Variants in PLXNA2 observed in about 807,000 individuals in gnomAD.
The protein encoded by PLXNA2 is plexin-A2.
Under a neutral mutation model 193.5 loss-of-function variants are expected in PLXNA2, and 91 were observed. The ratio of observed to expected loss-of-function variants is 0.47; its 90% CI spans 0.40 to 0.56. The LOEUF (loss-of-function observed/expected upper bound fraction) is 0.56. PLXNA2 is among the 20% of genes least tolerant of loss of function. The pLI is 0.00. For missense variants in PLXNA2, 1,995 were observed against 2,503.2 expected (o/e 0.80, Z 4.33); for synonymous variants, 997 against 1,027.3 (o/e 0.97, Z 0.56).
chr1:208,163,873 C>A (rs1669212135), intron 3 of PLXNA2, among the ~76,000 whole-genome samples: 1 of 152,176 alleles, frequency 6.6e-6, no homozygotes, highest in African/African-American at 2.4e-5. Flanking sequence ...TAAATTCTTG[C>A]TAAATGAATT....
intron 17 of PLXNA2, among the ~76,000 whole-genome samples, chr1:208,049,063 C>A (rs1219987555): frequency 6.6e-6 from 1 of 152,142 alleles, no homozygotes; most frequent in African/African-American, 2.4e-5. Flanking sequence ...ACTAGCTGAT[C>A]CTAAACTTGC....
At chr1:208,068,170 C>A (rs556251791) in intron 12 of PLXNA2, among the ~76,000 whole-genome samples, 1 of 152,186 alleles carries the variant, frequency 6.6e-6, no homozygotes, top group Admixed American at 6.5e-5. Context: ...ATCCTTAGCA[C>A]GCTGCCTGGA....
chr1:208,186,303 T>C (rs1669995199), intron 3 of PLXNA2, among the ~76,000 whole-genome samples: 1 of 152,178 alleles, frequency 6.6e-6, no homozygotes, highest in Non-Finnish European at 1.5e-5. Context: ...AGGTTTCCTT[T>C]TCTTGATTTT....
chr1:208,124,679 CAAAAAA>C (rs34909092), intron 4 of PLXNA2, among the ~76,000 whole-genome samples: 1 of 68,592 alleles, frequency 1.5e-5, no homozygotes, highest in African/African-American at 6.5e-5. Flanking sequence ...AACTCCGTCT[CAAAAAA>C]AAAAAAAAAA....
At chr1:208,148,255 TAGTAGC>T (rs1441926964) in intron 3 of PLXNA2, among the ~76,000 whole-genome samples, 2 of 151,914 alleles carry the variant, frequency 1.3e-5, no homozygotes, top group African/African-American at 4.8e-5. Flanking sequence ...TTATTAGTAG[TAGTAGC>T]AGTAGCAGTA....
At chr1:208,043,264 G>C (rs746594569) in intron 20 of PLXNA2, 61 bp from the exon 21 acceptor site, 1 of 1,563,154 alleles carries the variant, frequency 6.4e-7, no homozygotes, top group Admixed American at 1.7e-5. Context: ...AGGAGAAAGA[G>C]GGAGAAGAAG....
chr1:208,031,174 G>A (rs1664490728), intron 29 of PLXNA2: 1 of 1,021,530 alleles, frequency 9.8e-7, no homozygotes. Flanking sequence ...CTCAGGAAGT[G>A]CCTTAGAACT....
At position 208,023,541 on chromosome 1, in the gene PLXNA2, A is replaced by G. The variant is rs1365460641; in HGVS notation, c.*3702T>C. On this transcript the variant is annotated 3_prime_UTR_variant, in exon 32 of 32. Coordinates refer to ENST00000367033, the MANE Select transcript of PLXNA2 (RefSeq NM_025179.4). ...GGTCAGAAGCTCAAGCAGCAGGTGA[A>G]GTGCAGCCAGAAGAGATGGTGGCAG... 1 of 152,798 alleles carries G rather than the reference A, an allele frequency of 6.5e-6. No homozygotes were observed. Among genetic ancestry groups the G allele is most frequent in the Non-Finnish European group, 1.5e-5 (1 of 68,168 alleles). The allele number at this position is 152,798 out of a possible 1,614,324, so 9.5% of individuals were successfully genotyped here.
At chr1:208,100,333 G>A (rs1000460710) in intron 5 of PLXNA2, among the ~76,000 whole-genome samples, 5 of 151,984 alleles carry the variant, frequency 3.3e-5, no homozygotes, top group Non-Finnish European at 5.9e-5. Context: ...TCTCACCTGG[G>A]TGACACAGTG....
In PLXNA2 at chr1:208,039,600, C is replaced by T. The variant is rs762532157; in HGVS notation, c.4500+21G>A. 1.4e-5 allele frequency: 22 copies of T among 1,612,504 alleles called. No homozygotes were observed. The East Asian group carries it at 2.7e-4, about 20-fold the overall frequency. The stretch of plus-strand genomic sequence containing the variant: ...GAAGTAGAAGATACACAGGCGGGCC[C>T]GGAGCTTCCGGCTTCCTCACCAGGG... On this transcript the variant is annotated intron_variant, in intron 24 of 31. Coordinates refer to ENST00000367033, the MANE Select transcript of PLXNA2 (RefSeq NM_025179.4).
intron 3 of PLXNA2, among the ~76,000 whole-genome samples, chr1:208,195,115 G>T (rs1165333382): frequency 1.3e-5 from 2 of 152,168 alleles, no homozygotes; most frequent in Non-Finnish European, 2.9e-5. Context: ...GTGGGAGAAG[G>T]CAGAGAAACT....
chr1:208,199,632 A>G (rs1357223145), intron 3 of PLXNA2, among the ~76,000 whole-genome samples: 1 of 151,936 alleles, frequency 6.6e-6, no homozygotes, highest in Non-Finnish European at 1.5e-5. Context: ...TGGAGGTTGC[A>G]GTGAGCTGAG....
intron 12 of PLXNA2, among the ~76,000 whole-genome samples, chr1:208,062,683 T>C (rs919899711): frequency 5.3e-5 from 8 of 151,980 alleles, no homozygotes; most frequent in African/African-American, 1.9e-4. Flanking sequence ...ACAGCACACA[T>C]GAAATGAATC....
At chr1:208,170,124 T>C (rs1669443133) in intron 3 of PLXNA2, among the ~76,000 whole-genome samples, 1 of 152,234 alleles carries the variant, frequency 6.6e-6, no homozygotes, top group Admixed American at 6.5e-5. Flanking sequence ...GATAGGTATA[T>C]TGTTCTCAGC....
chr1:208,043,255 G>T (rs764915262), intron 20 of PLXNA2, 52 bp from the exon 21 acceptor site: 3 of 1,573,324 alleles, frequency 1.9e-6, no homozygotes, highest in African/African-American at 2.7e-5. Context: ...AGTCGGGGGA[G>T]GAGAAAGAGG....
chr1:208,099,242 G>A (rs903055442), intron 5 of PLXNA2, among the ~76,000 whole-genome samples: 1 of 152,210 alleles, frequency 6.6e-6, no homozygotes, highest in Non-Finnish European at 1.5e-5. Context: ...GGTTCTTGAT[G>A]TCTTGAACAA....
In PLXNA2 at chr1:208,038,770, T is replaced by C. The variant is rs72739448; in HGVS notation, c.4660+55A>G. The C allele has an allele frequency of 0.028, 43,264 of 1,559,778 alleles. 1,370 individuals carry two copies. The highest frequency in any genetic ancestry group is 0.13 in the Admixed American group (7,496 of 58,774). ...TGCAAGGGTTGTGTGCATGGCAGCT[T>C]CCCTTCCTTCACCTCTCAACCCCTG... is the stretch of plus-strand genomic sequence containing the variant. On this transcript the variant is annotated intron_variant, in intron 25 of 31. Coordinates refer to ENST00000367033, the MANE Select transcript of PLXNA2 (RefSeq NM_025179.4). This position sits in a 1 kb window ranked among gnomAD's most constrained non-coding sequence, Gnocchi z 4.1.
chr1:208,157,391 CA>C (rs1668970519), intron 3 of PLXNA2, among the ~76,000 whole-genome samples: 1 of 152,200 alleles, frequency 6.6e-6, no homozygotes, highest in South Asian at 2.1e-4. Context: ...TATGAATACA[CA>C]CAAATAATTA....
At chr1:208,224,316 C>T (rs903757965) in intron 1 of PLXNA2, among the ~76,000 whole-genome samples, 27 of 132,130 alleles carry the variant, frequency 2.0e-4, no homozygotes, top group Admixed American at 8.2e-4. Flanking sequence ...TTCAAATGCC[C>T]ATGATTCTCA....
Sources: gnomAD v4.1 joint callset for allele counts (sites outside exome capture counted in the v4.1 genomes callset) on GRCh38, gnomAD v4.1.1 for gene constraint, Gnocchi (gnomAD v3.1) non-coding constraint, MANE v1.5 for transcripts, NCBI Gene and HGNC (gene_info 2026-07-23, HGNC 2026-07-21) for gene names.